SLC2A13: variants seen among roughly 807,000 people sequenced by gnomAD.
The protein encoded by SLC2A13 is solute carrier family 2 member 13, also known as proton myo-inositol cotransporter.
A neutral mutation model predicts 64.4 loss-of-function variants in SLC2A13; 32 were observed. That is an observed-to-expected ratio of 0.50 (90% CI 0.37 to 0.67). The LOEUF (loss-of-function observed/expected upper bound fraction) is 0.67, where lower values mean the gene tolerates loss of function less well. SLC2A13 is among the 30% of genes least tolerant of loss of function. The probability of loss-of-function intolerance (pLI) is 0.00; values close to 1 mark genes in which losing one functional copy is unlikely to be tolerated. For missense variants in SLC2A13, 743 were observed against 829.2 expected, an observed-to-expected ratio of 0.90 and a Z score of 1.28; for synonymous variants, 338 against 327.1, an observed-to-expected ratio of 1.03 and a Z score of -0.36.
intron 3 of SLC2A13, among the ~76,000 whole-genome samples, chr12:39,992,108 T>C (rs74088117): frequency 0.08 from 12,130 of 152,208 alleles, 527 homozygotes; most frequent in African/African-American, 0.11. Context: ...GTGACCTTGC[T>C]CAGCGATGCC....
In SLC2A13 at chr12:39,756,810, G is replaced by GA. The variant is rs1939979865; in HGVS notation, c.*3215dup. 2 of 151,536 alleles carry GA rather than the reference G, an allele frequency of 1.3e-5. No homozygotes were observed. The highest frequency in any genetic ancestry group is 4.8e-5 in the African/African-American group (2 of 41,358). 9.4% of individuals were successfully genotyped at this position (151,536 alleles called of 1,614,324 possible). On this transcript the variant is annotated 3_prime_UTR_variant, in exon 10 of 10. Transcript: ENST00000280871. ...TTTTACTGATTTCCCCTTTTAGAGT[G>GA]AATAACTTAATATTTAGACTCTTAT... is the stretch of plus-strand genomic sequence containing the variant.
At chr12:39,936,883 G>C (rs1338150375) in intron 4 of SLC2A13, among the ~76,000 whole-genome samples, 2 of 152,286 alleles carry the variant, frequency 1.3e-5, no homozygotes, top group Middle Eastern at 3.4e-3. Flanking sequence ...GAATATATGA[G>C]TGTGTATGGC....
At chr12:40,101,587 G>A (rs1181629774) in intron 1 of SLC2A13, among the ~76,000 whole-genome samples, 1 of 152,156 alleles carries the variant, frequency 6.6e-6, no homozygotes, top group Admixed American at 6.5e-5. Flanking sequence ...TCACATCTCA[G>A]ATTCAAGAGA....
chr12:40,035,272 T>C (rs1265749681), intron 2 of SLC2A13, among the ~76,000 whole-genome samples: 1 of 152,230 alleles, frequency 6.6e-6, no homozygotes, highest in Non-Finnish European at 1.5e-5. Context: ...TCACCAAAGT[T>C]ATGATTTATG....
intron 4 of SLC2A13, 97 bp downstream of exon 4, chr12:39,951,160 C>T: frequency 9.7e-7 from 1 of 1,027,918 alleles, no homozygotes; most frequent in South Asian, 1.7e-5. Flanking sequence ...CAGAACAAAT[C>T]ACTGAGTCTA....
At chr12:40,007,375 T>G (rs928157864) in intron 3 of SLC2A13, among the ~76,000 whole-genome samples, 1 of 152,144 alleles carries the variant, frequency 6.6e-6, no homozygotes, top group Non-Finnish European at 1.5e-5. Flanking sequence ...AGTTCAAGAA[T>G]AGTATAAATA....
At chr12:40,008,418 T>C (rs1490731878) in intron 3 of SLC2A13, among the ~76,000 whole-genome samples, 2 of 152,052 alleles carry the variant, frequency 1.3e-5, no homozygotes, top group Non-Finnish European at 2.9e-5. Flanking sequence ...CCATCCTGGC[T>C]AACATGATGA....
intron 7 of SLC2A13, among the ~76,000 whole-genome samples, chr12:39,799,096 T>TTC (rs1376577170): frequency 2.7e-5 from 4 of 147,726 alleles, no homozygotes; most frequent in African/African-American, 1.0e-4. Flanking sequence ...TTTTTTTTTT[T>TTC]AGACTCAGAG....
chr12:39,900,423 GTA>G (rs1471382882), intron 4 of SLC2A13, among the ~76,000 whole-genome samples: 1 of 152,146 alleles, frequency 6.6e-6, no homozygotes, highest in Admixed American at 6.5e-5. Context: ...TGACATGATC[GTA>G]TATCTAGAAA....
rs373681635 is a variant in SLC2A13 at position 39,823,374 on chromosome 12, T to C, written c.1445+6729A>G. On this transcript the variant is annotated intron_variant, in intron 7 of 9. Transcript: ENST00000280871. ...CCTGTACATGAGTACCTTAAGATAC[T>C]GATGTGGTTTGTCAATGATAAAATA... is the stretch of plus-strand genomic sequence containing the variant. 5.9e-5 allele frequency among the ~76,000 whole-genome samples: 9 copies of C among 152,292 alleles called. No homozygotes were observed. The East Asian group carries it at 1.4e-3, about 23-fold the overall frequency.
chr12:39,906,414 C>T (rs1335800092), intron 4 of SLC2A13, among the ~76,000 whole-genome samples: 1 of 152,056 alleles, frequency 6.6e-6, no homozygotes, highest in African/African-American at 2.4e-5. Context: ...CATACCTACA[C>T]ACAATAGATA....
chr12:39,764,744 A>G lies in SLC2A13; in HGVS notation c.1560T>C (p.Phe520=). ...LLGLILYLVF[F]APGMGPMPWT... Reference sequence around the variant, plus strand: ...AACAAAGTCTTTGTTTACCAGGTGCAAAGAAGACAAGATATAAAATAAGGC... The same window carrying G: ...AACAAAGTCTTTGTTTACCAGGTGCGAAGAAGACAAGATATAAAATAAGGC... Residue 520 remains phenylalanine (F), a synonymous_variant, in exon 8 of 10, where the codon TTT becomes TTC. Transcript: ENST00000280871. The G allele has an allele frequency of 6.2e-7, 1 of 1,612,476 alleles. No homozygotes were observed. Among genetic ancestry groups the G allele is most frequent in the Non-Finnish European group, 8.5e-7 (1 of 1,179,242 alleles).
chr12:39,888,990 C>T (rs1178773537), intron 4 of SLC2A13, among the ~76,000 whole-genome samples: 8 of 151,992 alleles, frequency 5.3e-5, no homozygotes, highest in Non-Finnish European at 7.4e-5. Flanking sequence ...AAATACAAGT[C>T]GGGATTCAAT....
chr12:39,864,653 C>T lies in SLC2A13; in HGVS notation c.1319+109G>A, dbSNP rs1943855841. On this transcript the variant is annotated intron_variant, in intron 6 of 9. Transcript: ENST00000280871. ...CATTTTCTTCCCTTCTTACATAAGC[C>T]TGGATGCCCAGCAAGCTCCTACTCA... is the stretch of plus-strand genomic sequence containing the variant. The T allele has an allele frequency of 2.0e-5, 28 of 1,427,660 alleles. No individual in the cohort carries two copies. In the South Asian group the frequency reaches 3.6e-4, roughly 18 times the overall value. 88.4% of individuals were successfully genotyped at this position (1,427,660 alleles called of 1,614,324 possible). A position where few individuals can be genotyped will look rare whatever the true frequency, so the allele number is the denominator to read the frequency against.
chr12:39,763,463 A>T (rs1940237703), intron 9 of SLC2A13, among the ~76,000 whole-genome samples: 1 of 152,234 alleles, frequency 6.6e-6, no homozygotes, highest in East Asian at 1.9e-4. Flanking sequence ...TTTGGTGCTT[A>T]TCAGGTGAAC....
chr12:40,026,149 G>T lies in SLC2A13; in HGVS notation c.925+2152C>A, dbSNP rs550929925. Among the ~76,000 whole-genome samples, 5 of 152,188 alleles carry T rather than the reference G, an allele frequency of 3.3e-5. No homozygotes were observed. In the South Asian group the frequency reaches 1.0e-3, roughly 32 times the overall value. ...TAACTGCGTACTTTTTAAAAAGAAC[G>T]TTAAGATTAGCTTTTAAATTAAGCA... On this transcript the variant is annotated intron_variant, in intron 3 of 9. Transcript: ENST00000280871.
chr12:39,845,282 G>A (rs763688270), intron 6 of SLC2A13, among the ~76,000 whole-genome samples: 40 of 151,876 alleles, frequency 2.6e-4, no homozygotes, highest in Non-Finnish European at 4.1e-4. Context: ...ACCCATTTGT[G>A]CTATTTTGCT....
At chr12:40,038,137 A>G (rs140537657) in intron 2 of SLC2A13, among the ~76,000 whole-genome samples, 2,044 of 152,306 alleles carry the variant, frequency 0.013, 130 homozygotes, top group Admixed American at 0.095. Context: ...TTTAAGCCAC[A>G]TATTTTCATC....
intron 7 of SLC2A13, among the ~76,000 whole-genome samples, chr12:39,770,340 A>G (rs893143360): frequency 1.3e-5 from 2 of 152,120 alleles, no homozygotes; most frequent in Non-Finnish European, 2.9e-5. Flanking sequence ...ATGGCCTCAA[A>G]TGCAATATGA....
Sources: allele counts gnomAD v4.1 joint callset (sites outside exome capture counted in the v4.1 genomes callset), GRCh38; gene constraint gnomAD v4.1.1; transcripts MANE v1.5; gene names NCBI Gene and HGNC (gene_info 2026-07-23, HGNC 2026-07-21).